Variants in AKAP6 observed in about 807,000 individuals in gnomAD.
AKAP6 encodes the protein A-kinase anchor protein 6.
AKAP6 carries 58 observed loss-of-function variants against 188.5 expected under a neutral mutation model. That is an observed-to-expected ratio of 0.31 (90% CI 0.25 to 0.38). AKAP6 has a LOEUF of 0.38. Ranked by LOEUF, AKAP6 falls within the 10% of genes least tolerant of loss-of-function variation. AKAP6 has a pLI of 1.00. For missense variants in AKAP6, 2,710 were observed against 2,740.0 expected, an observed-to-expected ratio of 0.99 and a Z score of 0.24; for synonymous variants, 989 against 998.6, an observed-to-expected ratio of 0.99 and a Z score of 0.18.
At chr14:32,403,729 A>G (rs546114234) in intron 1 of AKAP6, among the ~76,000 whole-genome samples, 60 of 152,358 alleles carry the variant, frequency 3.9e-4, no homozygotes, top group African/African-American at 1.3e-3. Context: ...TGCTTTGCAC[A>G]CATATTAACA....
rs984035375 is a variant in AKAP6 at position 32,837,646 on chromosome 14, T to G, written c.*7841T>G. On this transcript the variant is annotated 3_prime_UTR_variant, in exon 14 of 14. Coordinates refer to ENST00000280979, the MANE Select transcript of AKAP6 (RefSeq NM_004274.5). ...CTTTTTATATAGAAAGCCAAGTTGG[T>G]GGAATTTATCTTGTCATTAAAATGA... The G allele has an allele frequency of 6.6e-6, 1 of 152,244 alleles. No individual in the cohort carries two copies. 9.4% of individuals were successfully genotyped at this position (152,244 alleles called of 1,614,324 possible).
At chr14:32,452,657 A>G (rs867657253) in intron 2 of AKAP6, among the ~76,000 whole-genome samples, 2 of 151,114 alleles carry the variant, frequency 1.3e-5, no homozygotes, top group African/African-American at 4.8e-5. Flanking sequence ...AGAAAAAAAA[A>G]GAAGGAAAAG....
intron 5 of AKAP6, among the ~76,000 whole-genome samples, chr14:32,588,125 T>C (rs1885331196): frequency 6.6e-6 from 1 of 152,216 alleles, no homozygotes; most frequent in African/African-American, 2.4e-5. Flanking sequence ...ATGTAAATAG[T>C]TCTATACATT....
chr14:32,416,744 G>A (rs181577782), intron 1 of AKAP6, among the ~76,000 whole-genome samples: 129 of 152,064 alleles, frequency 8.5e-4, no homozygotes, highest in Admixed American at 1.6e-3. Context: ...TAGTAGAGAT[G>A]GGGTTTCACC....
chr14:32,530,362 T>TG (rs1882356064), intron 2 of AKAP6, among the ~76,000 whole-genome samples: 1 of 152,006 alleles, frequency 6.6e-6, no homozygotes, highest in Non-Finnish European at 1.5e-5. Context: ...TTCTTTTTTT[T>TG]TGTGTGTGTG....
intron 4 of AKAP6, among the ~76,000 whole-genome samples, chr14:32,563,676 A>G (rs564593666): frequency 6.6e-6 from 1 of 152,254 alleles, no homozygotes; most frequent in South Asian, 2.1e-4. Context: ...GGGACCTGTG[A>G]TGGCCACCCC....
intron 1 of AKAP6, among the ~76,000 whole-genome samples, chr14:32,412,314 A>G (rs1004560554): frequency 6.6e-6 from 1 of 152,250 alleles, no homozygotes; most frequent in Admixed American, 6.5e-5. Context: ...CATGCCTGCT[A>G]TGCAGAAGAG....
At chr14:32,818,748 G>T (rs1215568806) in intron 12 of AKAP6, among the ~76,000 whole-genome samples, 1 of 151,820 alleles carries the variant, frequency 6.6e-6, no homozygotes, top group South Asian at 2.1e-4. Flanking sequence ...TGACTTGCAG[G>T]TGCCACTTGG....
intron 1 of AKAP6, among the ~76,000 whole-genome samples, chr14:32,336,503 G>A (rs1400249874): frequency 6.6e-6 from 1 of 152,078 alleles, no homozygotes; most frequent in Admixed American, 6.6e-5. Context: ...TACAAATAAC[G>A]ATGACTATAG....
At chr14:32,708,940 T>G (rs1478885836) in intron 9 of AKAP6, among the ~76,000 whole-genome samples, 1 of 152,066 alleles carries the variant, frequency 6.6e-6, no homozygotes, top group East Asian at 1.9e-4. Context: ...AAAGACCCAT[T>G]CTGTGAAGTA....
chr14:32,515,279 A>T (rs1881462903), intron 2 of AKAP6, among the ~76,000 whole-genome samples: 1 of 152,122 alleles, frequency 6.6e-6, no homozygotes, highest in African/African-American at 2.4e-5. Context: ...TGCCCCCATG[A>T]TTCAATGATC....
rs113803567 is a variant in AKAP6, at chr14:32,794,065, C to T, written c.3588+20172C>T. On this transcript the variant is annotated intron_variant, in intron 12 of 13. Coordinates refer to ENST00000280979, the MANE Select transcript of AKAP6 (RefSeq NM_004274.5). ...AGAATATACATTCTTCTCAGTGCTGCATGGCACTTACTCTAAAATTGATCA... is the reference window on the plus strand; with the variant it reads ...AGAATATACATTCTTCTCAGTGCTGTATGGCACTTACTCTAAAATTGATCA... Among the ~76,000 whole-genome samples the T allele has an allele frequency of 9.7e-3, 1,473 of 152,306 alleles. 22 individuals are homozygous for T. The highest frequency in any genetic ancestry group is 0.034 in the African/African-American group (1,409 of 41,542).
At chr14:32,609,743 A>C (rs1333613186) in intron 7 of AKAP6, among the ~76,000 whole-genome samples, 4 of 152,124 alleles carry the variant, frequency 2.6e-5, no homozygotes, top group Admixed American at 2.0e-4. Context: ...AGAACGAAGC[A>C]TGTGTCCAGT....
At chr14:32,620,142 T>C (rs146573892) in intron 7 of AKAP6, among the ~76,000 whole-genome samples, 9 of 152,256 alleles carry the variant, frequency 5.9e-5, no homozygotes, top group Middle Eastern at 3.4e-3. Flanking sequence ...TTTTCCAATT[T>C]GGATGCCCTT....
At chr14:32,759,321 G>C (rs959035344) in intron 11 of AKAP6, among the ~76,000 whole-genome samples, 1 of 152,098 alleles carries the variant, frequency 6.6e-6, no homozygotes, top group Non-Finnish European at 1.5e-5. Context: ...AGTAACCTAG[G>C]TTCCTCTTTT....
chr14:32,594,172 A>T (rs1885595329), intron 5 of AKAP6, among the ~76,000 whole-genome samples: 1 of 152,158 alleles, frequency 6.6e-6, no homozygotes, highest in Non-Finnish European at 1.5e-5. Flanking sequence ...TGCAAGTTAG[A>T]TAGTATGATT....
chr14:32,712,637 A>G (rs1322052191), intron 9 of AKAP6, among the ~76,000 whole-genome samples: 1 of 152,096 alleles, frequency 6.6e-6, no homozygotes, highest in Non-Finnish European at 1.5e-5. Flanking sequence ...ATTCCATCTC[A>G]AGAAACTACT....
intron 5 of AKAP6, among the ~76,000 whole-genome samples, chr14:32,592,908 A>T (rs1416509844): frequency 1.3e-5 from 2 of 152,092 alleles, no homozygotes; most frequent in African/African-American, 4.8e-5. Flanking sequence ...GTCCTGCTCC[A>T]GAGCCCTTGC....
intron 1 of AKAP6, among the ~76,000 whole-genome samples, chr14:32,360,938 G>T (rs959172162): frequency 1.6e-4 from 24 of 151,406 alleles, no homozygotes; most frequent in African/African-American, 5.8e-4. Context: ...TGTAGAGATG[G>T]GGGTCTCACT....
Sources: gnomAD v4.1 joint callset for allele counts (sites outside exome capture counted in the v4.1 genomes callset) on GRCh38, gnomAD v4.1.1 for gene constraint, MANE v1.5 for transcripts, NCBI Gene and HGNC (gene_info 2026-07-23, HGNC 2026-07-21) for gene names.